The following OR2L13 variants were observed in gnomAD, a reference collection of about 807,000 sequenced individuals.
The protein encoded by OR2L13 is olfactory receptor family 2 subfamily L member 13, also known as olfactory receptor 2L13.
Under a neutral mutation model 15.3 loss-of-function variants are expected in OR2L13, and 14 were observed. The ratio of observed to expected loss-of-function variants is 0.91; its 90% confidence interval spans 0.60 to 1.43. The LOEUF (loss-of-function observed/expected upper bound fraction) is 1.43. OR2L13 is among the 40% of genes most tolerant of loss of function. The pLI is 0.00. For synonymous variants in OR2L13, 152 were observed against 142.9 expected, an observed-to-expected ratio of 1.06 and a Z score of -0.45; for missense variants, 367 against 387.9, an observed-to-expected ratio of 0.95 and a Z score of 0.45.
chr1:247,959,937 C>T, the OR2L13 span, among the ~76,000 whole-genome samples: 1 of 45,996 alleles, frequency 2.2e-5, no homozygotes, highest in African/African-American at 3.0e-5. Context: ...CTTCTTCTCT[C>T]AACTCGTCAG....
At chr1:247,977,874 G>A in the OR2L13 span, among the ~76,000 whole-genome samples, 1 of 152,064 alleles carries the variant, frequency 6.6e-6, no homozygotes, top group Non-Finnish European at 1.5e-5. Flanking sequence ...TCTTCATCTC[G>A]CTGTCTAGTG....
chr1:248,074,096 T>A, the OR2L13 span, among the ~76,000 whole-genome samples: 4 of 152,108 alleles, frequency 2.6e-5, no homozygotes, highest in Non-Finnish European at 5.9e-5. Context: ...TTTGACAAAA[T>A]ACTTTTCTCC....
the OR2L13 span, among the ~76,000 whole-genome samples, chr1:247,998,572 A>G: frequency 2.0e-5 from 3 of 152,142 alleles, no homozygotes; most frequent in African/African-American, 7.2e-5. Flanking sequence ...AAATACCTAG[A>G]AAGTACTAGT....
chr1:248,085,564 G>A, the OR2L13 span, among the ~76,000 whole-genome samples: 1 of 149,588 alleles, frequency 6.7e-6, no homozygotes, highest in East Asian at 2.0e-4. Flanking sequence ...TAGGAAGTAT[G>A]TGAAATAACA....
At chr1:248,099,985 C>G (rs1664821935) in exon 3 of OR2L13, 4 of 1,614,120 alleles carry the variant, frequency 2.5e-6, no homozygotes, top group Middle Eastern at 3.3e-4. Flanking sequence ...AAGTACAAGC[C>G]TCTTTCTCCT....
At chr1:248,073,697 G>C in the OR2L13 span, among the ~76,000 whole-genome samples, 1 of 151,358 alleles carries the variant, frequency 6.6e-6, no homozygotes, top group South Asian at 2.1e-4. Flanking sequence ...ATGTTAGCTT[G>C]CTAGTGGGTA....
the OR2L13 span, chr1:248,029,158 C>T: frequency 1.3e-5 from 2 of 152,196 alleles, no homozygotes; most frequent in Non-Finnish European, 2.9e-5. Context: ...ACTAATTGAT[C>T]ACAACCAGTT....
chr1:248,018,764 TC>T, the OR2L13 span, among the ~76,000 whole-genome samples: 1 of 152,214 alleles, frequency 6.6e-6, no homozygotes, highest in Non-Finnish European at 1.5e-5. Context: ...AGTTTCATTT[TC>T]TCCAACTAAA....
chr1:248,000,789 T>C, the OR2L13 span, among the ~76,000 whole-genome samples: 19 of 152,264 alleles, frequency 1.2e-4, no homozygotes, highest in African/African-American at 4.6e-4. Flanking sequence ...GAAGTTAAAG[T>C]ACATTAAAAA....
chr1:248,098,010 A>T (rs1664772798), intron 1 of OR2L13, among the ~76,000 whole-genome samples: 8 of 152,218 alleles, frequency 5.3e-5, no homozygotes, highest in Admixed American at 5.2e-4. Flanking sequence ...CTAAATTACT[A>T]GGATAGTTCT....
the OR2L13 span, among the ~76,000 whole-genome samples, chr1:248,011,344 T>G: frequency 1.3e-5 from 2 of 152,198 alleles, no homozygotes; most frequent in Non-Finnish European, 2.9e-5. Context: ...GTCTTCCCTT[T>G]GTGGGTAAAC....
At chr1:247,967,455 C>A in the OR2L13 span, among the ~76,000 whole-genome samples, 1 of 152,186 alleles carries the variant, frequency 6.6e-6, no homozygotes, top group South Asian at 2.1e-4. Flanking sequence ...TTTCGAACTC[C>A]TGATCTCAAG....
At chr1:248,019,104 A>G in the OR2L13 span, among the ~76,000 whole-genome samples, 1 of 152,190 alleles carries the variant, frequency 6.6e-6, no homozygotes, top group Non-Finnish European at 1.5e-5. Flanking sequence ...ATGTGGCCAT[A>G]TAAGTATCTT....
At chr1:247,941,759 C>T in the OR2L13 span, among the ~76,000 whole-genome samples, 1 of 152,138 alleles carries the variant, frequency 6.6e-6, no homozygotes, top group Non-Finnish European at 1.5e-5. Flanking sequence ...TGACTCAGAG[C>T]TGTGTACAAA....
At chr1:247,988,980 AG>A in the OR2L13 span, among the ~76,000 whole-genome samples, 1 of 152,144 alleles carries the variant, frequency 6.6e-6, no homozygotes, top group Non-Finnish European at 1.5e-5. Context: ...TCTAAGCATT[AG>A]GGGAGCAAAG....
chr1:247,951,180 AT>A, the OR2L13 span, among the ~76,000 whole-genome samples: 1 of 152,118 alleles, frequency 6.6e-6, no homozygotes. Flanking sequence ...TTCTGTTTTG[AT>A]TACTACATCT....
the OR2L13 span, among the ~76,000 whole-genome samples, chr1:247,954,505 T>G: frequency 6.6e-6 from 1 of 152,190 alleles, no homozygotes; most frequent in Non-Finnish European, 1.5e-5. Flanking sequence ...CCTAAATCCC[T>G]GGGATCACTG....
the OR2L13 span, chr1:248,004,179 A>G: frequency 1.2e-6 from 1 of 859,446 alleles, no homozygotes; most frequent in African/African-American, 1.7e-5. Flanking sequence ...AGTAATCAAC[A>G]GAAGAAAAAA....
At chr1:247,977,860 A>G in the OR2L13 span, among the ~76,000 whole-genome samples, 6 of 152,174 alleles carry the variant, frequency 3.9e-5, no homozygotes, top group Admixed American at 3.3e-4. Context: ...TGCAGGATGC[A>G]GCATCTTCAT....
Sources: gnomAD v4.1 joint callset for allele counts (sites outside exome capture counted in the v4.1 genomes callset) on GRCh38, gnomAD v4.1.1 for gene constraint, MANE v1.5 for transcripts, NCBI Gene and HGNC (gene_info 2026-07-23, HGNC 2026-07-21) for gene names.